Variants in HSD17B12 observed in about 807,000 individuals in gnomAD.
HSD17B12 encodes the protein hydroxysteroid 17-beta dehydrogenase 12.
A neutral mutation model predicts 39.3 loss-of-function variants in HSD17B12; 32 were observed. That is an observed-to-expected ratio of 0.81 (90% CI 0.61 to 1.09). The LOEUF (loss-of-function observed/expected upper bound fraction) is 1.09. Among genes scored for constraint, HSD17B12 ranks in the 50% least tolerant of loss-of-function variants. HSD17B12 has a pLI of 0.00. For missense variants in HSD17B12, 342 were observed against 382.9 expected, an observed-to-expected ratio of 0.89 and a Z score of 0.89; for synonymous variants, 150 against 146.7, an observed-to-expected ratio of 1.02 and a Z score of -0.16.
At chr11:43,692,066 G>A (rs1408312088) in intron 1 of HSD17B12, among the ~76,000 whole-genome samples, 2 of 152,124 alleles carry the variant, frequency 1.3e-5, no homozygotes, top group South Asian at 2.1e-4. Flanking sequence ...ATTCTGGTGG[G>A]CTTTTTCACA....
chr11:43,847,089 G>C lies in HSD17B12; in HGVS notation c.684+7025G>C, dbSNP rs200098444. Among the ~76,000 whole-genome samples, 7 of 18,844 alleles carry C rather than the reference G, an allele frequency of 3.7e-4. No homozygotes were observed. In the East Asian group the frequency reaches 0.02, roughly 54 times the overall value. The allele number at this position is 18,844 out of a possible 152,430, so 12.4% of individuals were successfully genotyped here. Reference sequence around the variant, plus strand: ...ATGTTCAAGAACATGGGGAAGTGTAGAGAGAATGTACTGATCTTGGTGTGA... The same window carrying C: ...ATGTTCAAGAACATGGGGAAGTGTACAGAGAATGTACTGATCTTGGTGTGA... On this transcript the variant is annotated intron_variant, in intron 9 of 10. Transcript: ENST00000278353.
chr11:43,750,846 C>G (rs1950458759), intron 1 of HSD17B12, 65 bp from the exon 2 acceptor site: 2 of 1,150,856 alleles, frequency 1.7e-6, no homozygotes, highest in Non-Finnish European at 2.6e-6. Flanking sequence ...ATTGGTGGGT[C>G]CTAACTATGA....
At chr11:43,632,598 T>G in the HSD17B12 span, among the ~76,000 whole-genome samples, 1 of 152,188 alleles carries the variant, frequency 6.6e-6, no homozygotes, top group African/African-American at 2.4e-5. Context: ...ACAAACTAAC[T>G]TATTTATTGA....
At chr11:43,715,561 A>T (rs189793685) in intron 1 of HSD17B12, among the ~76,000 whole-genome samples, 80 of 152,262 alleles carry the variant, frequency 5.3e-4, no homozygotes, top group Non-Finnish European at 9.4e-4. Context: ...ATCAATGTTC[A>T]TCTGAGATAT....
intron 4 of HSD17B12, among the ~76,000 whole-genome samples, chr11:43,812,915 C>T (rs1166795378): frequency 1.3e-5 from 2 of 152,120 alleles, no homozygotes; most frequent in Admixed American, 1.3e-4. Flanking sequence ...GATCTCGGCT[C>T]ACTGCAACCT....
At chr11:43,732,708 C>T (rs368621488) in intron 1 of HSD17B12, among the ~76,000 whole-genome samples, 132 of 152,206 alleles carry the variant, frequency 8.7e-4, no homozygotes, top group African/African-American at 3.1e-3. Context: ...AGTGATCCTT[C>T]TGCGTTGGCT....
intron 9 of HSD17B12, among the ~76,000 whole-genome samples, chr11:43,843,505 G>T (rs1951446214): frequency 6.6e-6 from 1 of 152,114 alleles, no homozygotes; most frequent in Non-Finnish European, 1.5e-5. Context: ...ACTCCACAAG[G>T]CCATCTCCTT....
chr11:43,801,581 A>G (rs1950968103), intron 4 of HSD17B12, among the ~76,000 whole-genome samples: 1 of 147,096 alleles, frequency 6.8e-6, no homozygotes, highest in African/African-American at 2.5e-5. Flanking sequence ...TGACTTGTTT[A>G]GTTGATAGTT....
At chr11:43,769,171 C>T (rs1385431204) in intron 3 of HSD17B12, among the ~76,000 whole-genome samples, 1 of 152,152 alleles carries the variant, frequency 6.6e-6, no homozygotes, top group African/African-American at 2.4e-5. Context: ...AACTCCTGAC[C>T]TCAAGTGATC....
intron 1 of HSD17B12, among the ~76,000 whole-genome samples, chr11:43,742,274 A>C (rs1408532660): frequency 6.6e-6 from 1 of 151,274 alleles, no homozygotes; most frequent in African/African-American, 2.4e-5. Context: ...AGTAGGTGGG[A>C]CTATAGGTGT....
chr11:43,795,812 A>G (rs10838171), intron 3 of HSD17B12, among the ~76,000 whole-genome samples: 42,131 of 152,042 alleles, frequency 0.28, 6,106 homozygotes, highest in Middle Eastern at 0.4. Context: ...GTCAAGACAT[A>G]TAGACAAGCA....
At chr11:43,802,535 C>T (rs1950981688) in intron 4 of HSD17B12, among the ~76,000 whole-genome samples, 1 of 152,080 alleles carries the variant, frequency 6.6e-6, no homozygotes, top group African/African-American at 2.4e-5. Context: ...TCTAGTTCAC[C>T]TTGGCCATCT....
chr11:43,591,574 G>C, the HSD17B12 span, among the ~76,000 whole-genome samples: 4 of 152,084 alleles, frequency 2.6e-5, no homozygotes, highest in African/African-American at 9.7e-5. Flanking sequence ...TGATGCTTTA[G>C]AATTCTGAAA....
intron 3 of HSD17B12, among the ~76,000 whole-genome samples, chr11:43,766,451 A>G (rs967799548): frequency 1.3e-5 from 2 of 152,214 alleles, no homozygotes; most frequent in African/African-American, 4.8e-5. Context: ...CAGGCTGGTC[A>G]AGTGATGTCC....
Position 43,733,581 on chromosome 11 carries a change from T to A in HSD17B12, c.161-17330T>A, listed in dbSNP as rs146809825. Among the ~76,000 whole-genome samples, 525 of 152,296 alleles carry A rather than the reference T, an allele frequency of 3.4e-3. 3 individuals carry two copies. Among genetic ancestry groups the A allele is most frequent in the Middle Eastern group, 0.014 (4 of 294 alleles). On this transcript the variant is annotated intron_variant, in intron 1 of 10. Transcript: ENST00000278353. ...GTAAATTGAGTGATACATTGAATAG[T>A]TTTACTTCCCAAATTCAAGGAATGA...
the HSD17B12 span, among the ~76,000 whole-genome samples, chr11:43,670,000 A>G: frequency 6.6e-6 from 1 of 152,224 alleles, no homozygotes; most frequent in African/African-American, 2.4e-5. Context: ...AACATCCTTA[A>G]GGGAGGGAGG....
chr11:43,573,667 C>T, the HSD17B12 span, among the ~76,000 whole-genome samples: 10 of 152,198 alleles, frequency 6.6e-5, no homozygotes, highest in African/African-American at 2.4e-4. Context: ...TAACACTCAG[C>T]CACTATATAC....
chr11:43,673,579 G>A, the HSD17B12 span, among the ~76,000 whole-genome samples: 3 of 137,374 alleles, frequency 2.2e-5, no homozygotes, highest in African/African-American at 8.1e-5. Context: ...TGCATCCTCC[G>A]CCTCCCAGGC....
intron 4 of HSD17B12, among the ~76,000 whole-genome samples, chr11:43,813,763 G>T (rs955662710): frequency 2.6e-5 from 4 of 152,122 alleles, no homozygotes; most frequent in South Asian, 4.1e-4. Context: ...AATAAAAATG[G>T]ATCTGGACCT....
Sources: allele counts gnomAD v4.1 joint callset (sites outside exome capture counted in the v4.1 genomes callset), GRCh38; gene constraint gnomAD v4.1.1; transcripts MANE v1.5; gene names NCBI Gene and HGNC (gene_info 2026-07-23, HGNC 2026-07-21).